Variants in PRKCE observed in about 807,000 individuals in gnomAD.
PRKCE encodes the protein protein kinase C epsilon type.
PRKCE carries 16 observed loss-of-function variants against 85.4 expected under a neutral mutation model. That is an observed-to-expected ratio of 0.19 (90% CI 0.13 to 0.28). The LOEUF (loss-of-function observed/expected upper bound fraction) is 0.28. PRKCE is among the 10% of genes least tolerant of loss of function. The probability of loss-of-function intolerance (pLI) is 1.00; values close to 1 mark genes in which losing one functional copy is unlikely to be tolerated. For missense variants in PRKCE, 573 were observed against 975.2 expected (o/e 0.59, Z 5.49); for synonymous variants, 388 against 371.5 (o/e 1.04, Z -0.51).
At chr2:46,122,418 G>A (rs1020686001) in intron 11 of PRKCE, among the ~76,000 whole-genome samples, 14 of 151,996 alleles carry the variant, frequency 9.2e-5, no homozygotes, top group East Asian at 5.8e-4. Context: ...TTTAGTAGAC[G>A]GGGTTTCGCC....
intron 2 of PRKCE, among the ~76,000 whole-genome samples, chr2:45,946,690 T>C (rs551575795): frequency 1.3e-5 from 2 of 152,190 alleles, no homozygotes; most frequent in East Asian, 1.9e-4. Context: ...AGGAACCAGG[T>C]TGTGATAAAG....
At chr2:45,948,905 T>C (rs1023308566) in intron 2 of PRKCE, among the ~76,000 whole-genome samples, 1 of 152,272 alleles carries the variant, frequency 6.6e-6, no homozygotes, top group Non-Finnish European at 1.5e-5. Flanking sequence ...AACATAATTT[T>C]ATAGATTTAT....
chr2:45,684,066 A>G (rs1677101534), intron 1 of PRKCE, among the ~76,000 whole-genome samples: 1 of 152,172 alleles, frequency 6.6e-6, no homozygotes, highest in Non-Finnish European at 1.5e-5. Flanking sequence ...GGAGTGAGAA[A>G]TTATGCCAGA....
intron 2 of PRKCE, among the ~76,000 whole-genome samples, chr2:45,943,642 C>T (rs1355277278): frequency 6.6e-6 from 1 of 152,142 alleles, no homozygotes; most frequent in East Asian, 1.9e-4. Flanking sequence ...TCCACTGTCT[C>T]AGAGGCCTTT....
chr2:46,079,621 T>C (rs1668879380), intron 10 of PRKCE, among the ~76,000 whole-genome samples: 1 of 152,258 alleles, frequency 6.6e-6, no homozygotes, highest in Non-Finnish European at 1.5e-5. Flanking sequence ...AAGTATGGGC[T>C]GTTCCAAGCC....
chr2:45,912,699 C>T (rs1272628133), intron 2 of PRKCE, among the ~76,000 whole-genome samples: 1 of 152,164 alleles, frequency 6.6e-6, no homozygotes, highest in African/African-American at 2.4e-5. Context: ...CGAAAATCTG[C>T]ACTGGAGCAG....
chr2:45,985,995 A>G (rs928075302), intron 6 of PRKCE, among the ~76,000 whole-genome samples: 1 of 152,252 alleles, frequency 6.6e-6, no homozygotes, highest in Non-Finnish European at 1.5e-5. Flanking sequence ...GAGTATGAAG[A>G]GAAAAAAGTC....
rs147336132 is a variant in PRKCE at position 45,991,845 on chromosome 2, G to A, written c.823+7165G>A. Among the ~76,000 whole-genome samples, 182 of 152,246 alleles carry A rather than the reference G, an allele frequency of 1.2e-3. 1 individual carries two copies. The highest frequency in any genetic ancestry group is 4.0e-3 in the African/African-American group (166 of 41,544). On this transcript the variant is annotated intron_variant, in intron 6 of 14. Transcript: ENST00000306156. ...CTGCTTTACCTTCCTTTTCATTGACGTTTAATTTGTGTGGCTTGCATGGTG... is the reference window on the plus strand; with the variant it reads ...CTGCTTTACCTTCCTTTTCATTGACATTTAATTTGTGTGGCTTGCATGGTG...
chr2:45,970,319 C>T (rs1702023826), intron 2 of PRKCE, among the ~76,000 whole-genome samples: 1 of 152,120 alleles, frequency 6.6e-6, no homozygotes, highest in Non-Finnish European at 1.5e-5. Flanking sequence ...TGATTATAGT[C>T]AGTATCTTAT....
intron 2 of PRKCE, among the ~76,000 whole-genome samples, chr2:45,943,669 A>G (rs1700039765): frequency 6.6e-6 from 1 of 152,130 alleles, no homozygotes; most frequent in Non-Finnish European, 1.5e-5. Flanking sequence ...GACACAGAAT[A>G]TAAAGTTCTC....
At chr2:46,070,673 G>A (rs571599079) in intron 10 of PRKCE, among the ~76,000 whole-genome samples, 7 of 152,154 alleles carry the variant, frequency 4.6e-5, no homozygotes, top group Non-Finnish European at 8.8e-5. Flanking sequence ...AACAAAGGTG[G>A]CATTTTATTG....
chr2:45,917,180 G>A (rs555185112), intron 2 of PRKCE, among the ~76,000 whole-genome samples: 14 of 152,298 alleles, frequency 9.2e-5, no homozygotes, highest in South Asian at 6.2e-4. Flanking sequence ...TACAATCCCT[G>A]AGCTAGACAC....
At chr2:45,678,889 A>G (rs563140591) in intron 1 of PRKCE, among the ~76,000 whole-genome samples, 6 of 152,296 alleles carry the variant, frequency 3.9e-5, no homozygotes, top group African/African-American at 7.2e-5. Flanking sequence ...AACTTCTACT[A>G]TCACTCAGGT....
At chr2:46,009,723 C>G (rs893844563) in intron 9 of PRKCE, among the ~76,000 whole-genome samples, 2 of 152,142 alleles carry the variant, frequency 1.3e-5, no homozygotes, top group Admixed American at 1.3e-4. Flanking sequence ...TTATATAATA[C>G]TTAATGATTA....
At chr2:45,995,376 C>T (rs1015150597) in intron 6 of PRKCE, among the ~76,000 whole-genome samples, 1 of 151,902 alleles carries the variant, frequency 6.6e-6, no homozygotes, top group Non-Finnish European at 1.5e-5. Flanking sequence ...CTCTTTTTTT[C>T]ATGGATCATG....
intron 2 of PRKCE, among the ~76,000 whole-genome samples, chr2:45,952,563 G>A (rs373448881): frequency 2.5e-4 from 38 of 152,264 alleles, no homozygotes; most frequent in Non-Finnish European, 3.7e-4. Context: ...CCTATTTTAC[G>A]TTGAAATTGC....
At chr2:45,662,391 A>G (rs971747994) in intron 1 of PRKCE, among the ~76,000 whole-genome samples, 2 of 152,138 alleles carry the variant, frequency 1.3e-5, no homozygotes, top group Non-Finnish European at 2.9e-5. Flanking sequence ...ATCCTTTCAG[A>G]GCCTGGGGAA....
Position 46,004,251 on chromosome 2 carries a change from T to C in PRKCE, c.967-291T>C. 1 of 383,564 alleles carries C rather than the reference T, an allele frequency of 2.6e-6. No homozygotes were observed. The allele number at this position is 383,564 out of a possible 1,614,324, so 23.8% of individuals were successfully genotyped here. On this transcript the variant is annotated intron_variant, in intron 7 of 14. Transcript: ENST00000306156. This position sits in a 1 kb window ranked among gnomAD's most constrained non-coding sequence, Gnocchi z 4.1. Reference sequence around the variant, plus strand: ...CTTTTGGATGGGGTTGGATCAAACATTGTACCTCTGTCTCAGCTCTTTGGA... The same window carrying C: ...CTTTTGGATGGGGTTGGATCAAACACTGTACCTCTGTCTCAGCTCTTTGGA...
Position 45,651,923 on chromosome 2 carries a change from A to C in PRKCE, c.-178A>C. ...CGTTAGGAACCCGGCGAGGAAATAC[A>C]TGCACTGGCTGAGAATCGCCCGCGC... On this transcript the variant is annotated 5_prime_UTR_variant, in exon 1 of 15. An upstream start codon of the reference 5' UTR is lost. Coordinates refer to ENST00000306156, the MANE Select transcript of PRKCE (RefSeq NM_005400.3). The C allele has an allele frequency of 1.8e-6, 1 of 544,242 alleles. No homozygotes were observed. The highest frequency in any genetic ancestry group is 3.2e-6 in the Non-Finnish European group (1 of 310,534). The allele number at this position is 544,242 out of a possible 1,614,324, so 33.7% of individuals were successfully genotyped here. A position where few individuals can be genotyped will look rare whatever the true frequency, so the allele number is the denominator to read the frequency against.
Sources: allele counts gnomAD v4.1 joint callset (sites outside exome capture counted in the v4.1 genomes callset), GRCh38; gene constraint gnomAD v4.1.1; non-coding constraint Gnocchi (gnomAD v3.1); transcripts MANE v1.5; gene names NCBI Gene and HGNC (gene_info 2026-07-23, HGNC 2026-07-21).